The following TENM3 variants were observed in gnomAD, a reference collection of about 807,000 sequenced individuals.
TENM3 encodes teneurin-3.
Under a neutral mutation model 255.1 loss-of-function variants are expected in TENM3, and 63 were observed. The observed-to-expected ratio is 0.25, with a 90% CI of 0.20 to 0.30. TENM3 has a LOEUF of 0.30. TENM3 is among the 10% of genes least tolerant of loss of function. The pLI, the probability that TENM3 is intolerant of heterozygous loss-of-function variation, is 1.00. For missense variants in TENM3, 2,929 were observed against 3,461.1 expected (o/e 0.85, Z 3.86); for synonymous variants, 1,306 against 1,322.3 (o/e 0.99, Z 0.27).
chr4:182,094,572 A>G, the TENM3 span, among the ~76,000 whole-genome samples: 1 of 152,200 alleles, frequency 6.6e-6, no homozygotes, highest in African/African-American at 2.4e-5. Flanking sequence ...AAAGTTCAAG[A>G]AAACTAATTT....
the TENM3 span, among the ~76,000 whole-genome samples, chr4:182,137,745 G>A: frequency 6.6e-6 from 1 of 152,150 alleles, no homozygotes; most frequent in Non-Finnish European, 1.5e-5. Context: ...TTAGTTCTGT[G>A]CAGCTTTTTT....
chr4:182,095,597 T>C, the TENM3 span, among the ~76,000 whole-genome samples: 1 of 152,002 alleles, frequency 6.6e-6, no homozygotes. Flanking sequence ...GGAAGTCCAG[T>C]TAGATAGAAG....
At chr4:182,156,828 T>C (rs1750739827) in intron 1 of TENM3, among the ~76,000 whole-genome samples, 1 of 152,204 alleles carries the variant, frequency 6.6e-6, no homozygotes, top group Non-Finnish European at 1.5e-5. Flanking sequence ...CCCACCTGTT[T>C]TGTCTGTGCT....
At chr4:182,134,967 G>A in the TENM3 span, among the ~76,000 whole-genome samples, 3 of 151,912 alleles carry the variant, frequency 2.0e-5, no homozygotes, top group African/African-American at 7.3e-5. Flanking sequence ...CAGCACTTTG[G>A]GAGGCCGAGG....
the TENM3 span, among the ~76,000 whole-genome samples, chr4:182,058,270 T>C: frequency 6.6e-6 from 1 of 152,024 alleles, no homozygotes; most frequent in Admixed American, 6.6e-5. Flanking sequence ...GACAGTCGTA[T>C]GGCTACCAAT....
intron 2 of TENM3, among the ~76,000 whole-genome samples, chr4:182,338,199 C>T (rs2150597220): frequency 6.6e-6 from 1 of 152,232 alleles, no homozygotes; most frequent in African/African-American, 2.4e-5. Flanking sequence ...TCCCGGCTTC[C>T]ACAGGGGTAA....
chr4:181,657,539 G>A, the TENM3 span, among the ~76,000 whole-genome samples: 1 of 152,186 alleles, frequency 6.6e-6, no homozygotes, highest in Non-Finnish European at 1.5e-5. Flanking sequence ...GATACTGTTG[G>A]TGGAAATGTG....
the TENM3 span, among the ~76,000 whole-genome samples, chr4:181,589,656 G>A: frequency 6.6e-6 from 1 of 152,182 alleles, no homozygotes; most frequent in Admixed American, 6.5e-5. Flanking sequence ...ACAAATGTAT[G>A]TAATGCAGGT....
chr4:182,631,895 A>C (rs955818786), intron 5 of TENM3, among the ~76,000 whole-genome samples: 4 of 152,210 alleles, frequency 2.6e-5, no homozygotes, highest in Admixed American at 1.3e-4. Flanking sequence ...CTCTAAGGTA[A>C]GTTGTCTCAG....
the TENM3 span, among the ~76,000 whole-genome samples, chr4:181,785,699 T>TC: frequency 6.6e-6 from 1 of 151,240 alleles, no homozygotes; most frequent in Non-Finnish European, 1.5e-5. Context: ...AAAATCTGCC[T>TC]CCCCCCAACC....
intron 22 of TENM3, among the ~76,000 whole-genome samples, chr4:182,769,506 G>A (rs969147881): frequency 3.3e-5 from 5 of 152,176 alleles, no homozygotes; most frequent in African/African-American, 9.7e-5. Context: ...GTCCTAGGCC[G>A]GGCGTGGTGG....
the TENM3 span, among the ~76,000 whole-genome samples, chr4:181,459,324 A>G: frequency 6.6e-6 from 1 of 151,900 alleles, no homozygotes; most frequent in South Asian, 2.1e-4. Flanking sequence ...TCACGTTCTG[A>G]AAAGTGTCTT....
chr4:182,015,351 C>T, the TENM3 span, among the ~76,000 whole-genome samples: 1 of 152,146 alleles, frequency 6.6e-6, no homozygotes, highest in African/African-American at 2.4e-5. Context: ...TTGTCTTGTT[C>T]GAATGTTAAT....
At chr4:181,630,941 C>G in the TENM3 span, among the ~76,000 whole-genome samples, 2 of 152,068 alleles carry the variant, frequency 1.3e-5, no homozygotes, top group Non-Finnish European at 2.9e-5. Context: ...CATAACAGCT[C>G]GAAACATACC....
At chr4:182,250,202 G>A (rs781223583) in intron 1 of TENM3, among the ~76,000 whole-genome samples, 15 of 151,598 alleles carry the variant, frequency 9.9e-5, no homozygotes, top group East Asian at 2.0e-4. Flanking sequence ...ACAGGCGCCC[G>A]CCACCACGCC....
intron 22 of TENM3, among the ~76,000 whole-genome samples, chr4:182,760,474 C>T (rs1415082144): frequency 6.6e-6 from 1 of 152,086 alleles, no homozygotes; most frequent in Non-Finnish European, 1.5e-5. Context: ...GCTCTTCTGT[C>T]TGGTTAAAGA....
the TENM3 span, among the ~76,000 whole-genome samples, chr4:181,985,519 C>G: frequency 6.6e-6 from 1 of 152,102 alleles, no homozygotes; most frequent in African/African-American, 2.4e-5. Flanking sequence ...TGAAAAACCA[C>G]AGAGCCAGCA....
At chr4:182,540,243 T>G (rs1413737793) in intron 3 of TENM3, among the ~76,000 whole-genome samples, 1 of 152,196 alleles carries the variant, frequency 6.6e-6, no homozygotes, top group Non-Finnish European at 1.5e-5. Context: ...ATTCAAGATG[T>G]TGTATAGAAA....
rs1309796953 is a variant in TENM3 at position 182,680,750 on chromosome 4, A to G, written c.1834+13A>G. 6.5e-7 allele frequency: 1 copy of G among 1,527,590 alleles called. No homozygotes were observed. Among genetic ancestry groups the G allele is most frequent in the East Asian group, 2.3e-5 (1 of 43,442 alleles). The allele number at this position is 1,527,590 out of a possible 1,614,324, so 94.6% of individuals were successfully genotyped here. A position where few individuals can be genotyped will look rare whatever the true frequency, so the allele number is the denominator to read the frequency against. ...AGTTGTGAAGAAGGTAAACATGTCA[A>G]TATTCACAGAAGTCTGTTGTTATCT... is the stretch of plus-strand genomic sequence containing the variant. On this transcript the variant is annotated intron_variant, in intron 10 of 27. Transcript: ENST00000511685.
Sources: gnomAD v4.1 joint callset for allele counts (sites outside exome capture counted in the v4.1 genomes callset) on GRCh38, gnomAD v4.1.1 for gene constraint, MANE v1.5 for transcripts, NCBI Gene and HGNC (gene_info 2026-07-23, HGNC 2026-07-21) for gene names.